PUM2: variants seen among roughly 807,000 people sequenced by gnomAD.
PUM2 encodes the protein pumilio homolog 2.
Under a neutral mutation model 124.5 loss-of-function variants are expected in PUM2, and 57 were observed. The ratio of observed to expected loss-of-function variants is 0.46; its 90% CI spans 0.37 to 0.57. The LOEUF (loss-of-function observed/expected upper bound fraction) is 0.57, where lower values mean the gene tolerates loss of function less well. Ranked by LOEUF, PUM2 falls within the 20% of genes least tolerant of loss-of-function variation. The probability of loss-of-function intolerance (pLI) is 0.00; values close to 1 mark genes in which losing one functional copy is unlikely to be tolerated. For synonymous variants in PUM2, 460 were observed against 446.1 expected (o/e 1.03, Z -0.39); for missense variants, 1,065 against 1,290.6 (o/e 0.83, Z 2.68).
intron 2 of PUM2, among the ~76,000 whole-genome samples, chr2:20,323,246 A>C (rs1163397584): frequency 6.6e-6 from 1 of 152,104 alleles, no homozygotes; most frequent in Non-Finnish European, 1.5e-5. Flanking sequence ...CAGGAAATTG[A>C]GATCATCCTG....
chr2:20,326,828 G>C (rs1164276136), intron 2 of PUM2, among the ~76,000 whole-genome samples: 1 of 152,170 alleles, frequency 6.6e-6, no homozygotes, highest in Non-Finnish European at 1.5e-5. Context: ...GCCAGATGAA[G>C]GGCTTAATTC....
chr2:20,336,681 TTG>T (rs113658730), intron 1 of PUM2, among the ~76,000 whole-genome samples: 48,407 of 131,214 alleles, frequency 0.37, 8,860 homozygotes, highest in East Asian at 0.5. Flanking sequence ...CCTGGCTAAT[TTG>T]TGTGTGTGTG....
intron 19 of PUM2, 24 bp from the exon 20 acceptor site, chr2:20,254,038 A>T (rs762956535): frequency 6.3e-7 from 1 of 1,578,094 alleles, no homozygotes; most frequent in African/African-American, 1.4e-5. Context: ...CAGATAAACA[A>T]AGATTTGTTA....
intron 2 of PUM2, among the ~76,000 whole-genome samples, chr2:20,319,605 T>A (rs1246867825): frequency 6.6e-6 from 1 of 152,206 alleles, no homozygotes; most frequent in Non-Finnish European, 1.5e-5. Context: ...TATAACTCAG[T>A]AATACCTGAA....
chr2:20,326,384 A>G (rs1683680699), intron 2 of PUM2: 11 of 1,304,282 alleles, frequency 8.4e-6, no homozygotes, highest in Non-Finnish European at 1.1e-5. Flanking sequence ...TCTTTTCTGC[A>G]TCTGAAGAGC....
intron 5 of PUM2, among the ~76,000 whole-genome samples, chr2:20,310,154 C>A (rs1240030907): frequency 6.6e-6 from 1 of 151,996 alleles, no homozygotes; most frequent in African/African-American, 2.4e-5. Context: ...GGCATAGTGA[C>A]CGTATGACCA....
chr2:20,309,917 T>C (rs1224040032), intron 5 of PUM2, among the ~76,000 whole-genome samples: 1 of 152,108 alleles, frequency 6.6e-6, no homozygotes, highest in Non-Finnish European at 1.5e-5. Context: ...GATTTCAAAC[T>C]CCTTTCCCTT....
chr2:20,310,566 AT>A (rs1679375549), intron 5 of PUM2, among the ~76,000 whole-genome samples: 1 of 152,066 alleles, frequency 6.6e-6, no homozygotes, highest in Admixed American at 6.5e-5. Flanking sequence ...ATAGCATTAA[AT>A]GTATTTCTTG....
rs547636890 is a variant in PUM2 at position 20,264,879 on chromosome 2, T to C, written c.1958-1419A>G. On this transcript the variant is annotated intron_variant, in intron 13 of 20. Coordinates refer to ENST00000361078, the MANE Select transcript of PUM2 (RefSeq NM_015317.5). ...CTGGAGAGTAAATTGGGTTAGAACATTCCTCTTTCACTTTCTGTCCCTACT... is the reference window on the plus strand; with the variant it reads ...CTGGAGAGTAAATTGGGTTAGAACACTCCTCTTTCACTTTCTGTCCCTACT... Among the ~76,000 whole-genome samples, 3 of 152,232 alleles carry C rather than the reference T, an allele frequency of 2.0e-5. No homozygotes were observed. In the South Asian group the frequency reaches 6.2e-4, roughly 32 times the overall value.
chr2:20,306,287 T>C (rs891718556), intron 7 of PUM2, among the ~76,000 whole-genome samples: 3 of 152,102 alleles, frequency 2.0e-5, no homozygotes, highest in South Asian at 2.1e-4. Context: ...CCTAAGTAAA[T>C]TACAACATTT....
At chr2:20,315,829 C>A (rs1298725920) in intron 3 of PUM2, among the ~76,000 whole-genome samples, 2 of 123,746 alleles carry the variant, frequency 1.6e-5, no homozygotes, top group Non-Finnish European at 3.3e-5. Context: ...GTCTTATAAC[C>A]TGGTCTCAAA....
intron 8 of PUM2, among the ~76,000 whole-genome samples, chr2:20,296,494 CAAAA>C (rs201882701): frequency 7.7e-6 from 1 of 129,408 alleles, no homozygotes; most frequent in Admixed American, 7.7e-5. Flanking sequence ...GACTCTGTCT[CAAAA>C]AAAAAAAAAA....
At chr2:20,330,296 C>T (rs1037012567) in intron 1 of PUM2, among the ~76,000 whole-genome samples, 1 of 152,164 alleles carries the variant, frequency 6.6e-6, no homozygotes, top group South Asian at 2.1e-4. Flanking sequence ...TGTCCATGTC[C>T]TGGCAAAAAG....
chr2:20,329,223 A>G (rs1207678843), intron 1 of PUM2, among the ~76,000 whole-genome samples: 1 of 151,028 alleles, frequency 6.6e-6, no homozygotes, highest in African/African-American at 2.4e-5. Context: ...ATATGGTCCT[A>G]TTTGGTCATA....
chr2:20,343,469 A>T (rs1328758672), intron 1 of PUM2, among the ~76,000 whole-genome samples: 1 of 152,236 alleles, frequency 6.6e-6, no homozygotes, highest in East Asian at 1.9e-4. Flanking sequence ...TAAATAAAAT[A>T]GCAAATAAAC....
At chr2:20,329,295 G>A (rs1168138090) in intron 1 of PUM2, among the ~76,000 whole-genome samples, 5 of 150,966 alleles carry the variant, frequency 3.3e-5, no homozygotes, top group Admixed American at 6.6e-5. Context: ...AGCCTGTTTC[G>A]GTAGGGCATG....
At chr2:20,258,761 G>T (rs951751960) in intron 15 of PUM2, among the ~76,000 whole-genome samples, 1 of 144,284 alleles carries the variant, frequency 6.9e-6, no homozygotes, top group African/African-American at 2.6e-5. Context: ...TCTGCTTCCC[G>T]GGTTCACGCC....
rs138291993 is a variant in PUM2, at chr2:20,287,231, T to C, written c.1291+3421A>G. 2.2e-4 allele frequency among the ~76,000 whole-genome samples: 34 copies of C among 152,212 alleles called. No homozygotes were observed. In the East Asian group the frequency reaches 5.8e-3, roughly 26 times the overall value. On this transcript the variant is annotated intron_variant, in intron 10 of 20. Transcript: ENST00000361078. ...TACGACCACATTAAAATAAGAGTTG[T>C]AGAATGGTGAAAATAAACCACAAAT... is the stretch of plus-strand genomic sequence containing the variant.
chr2:20,282,738 G>C (rs544037024), intron 12 of PUM2, among the ~76,000 whole-genome samples: 2 of 152,254 alleles, frequency 1.3e-5, no homozygotes, highest in South Asian at 4.1e-4. Flanking sequence ...TTATATATGA[G>C]TAAAGAACAG....
Sources: allele counts gnomAD v4.1 joint callset (sites outside exome capture counted in the v4.1 genomes callset), GRCh38; gene constraint gnomAD v4.1.1; transcripts MANE v1.5; gene names NCBI Gene and HGNC (gene_info 2026-07-23, HGNC 2026-07-21).